PTPRN2: variants seen among roughly 807,000 people sequenced by gnomAD.
The protein encoded by PTPRN2 is receptor-type tyrosine-protein phosphatase N2.
Under a neutral mutation model 118.8 loss-of-function variants are expected in PTPRN2, and 74 were observed. That is an observed-to-expected ratio of 0.62 (90% CI 0.52 to 0.76). PTPRN2 has a LOEUF of 0.76. Ranked by LOEUF, PTPRN2 falls within the 30% of genes least tolerant of loss-of-function variation. PTPRN2 has a pLI of 0.00. For synonymous variants in PTPRN2, 641 were observed against 608.0 expected (o/e 1.05, Z -0.80); for missense variants, 1,481 against 1,394.4 (o/e 1.06, Z -0.99).
intron 6 of PTPRN2, among the ~76,000 whole-genome samples, chr7:158,152,285 C>A (rs919084034): frequency 6.6e-6 from 1 of 151,714 alleles, no homozygotes; most frequent in East Asian, 1.9e-4. Flanking sequence ...CTCTTTCATA[C>A]CGCACTGCCA....
chr7:158,439,175 G>A (rs562113719), intron 2 of PTPRN2, among the ~76,000 whole-genome samples: 14 of 152,188 alleles, frequency 9.2e-5, no homozygotes, highest in African/African-American at 1.2e-4. Context: ...ATTGATTGAC[G>A]TCTCATGTCT....
At chr7:158,559,464 A>G (rs934865050) in intron 1 of PTPRN2, among the ~76,000 whole-genome samples, 6 of 152,124 alleles carry the variant, frequency 3.9e-5, no homozygotes, top group African/African-American at 1.4e-4. Flanking sequence ...CCACTTGTTC[A>G]CCTGCCTCCC....
chr7:158,136,529 G>A, intron 8 of PTPRN2, 126 bp downstream of exon 8: 1 of 777,216 alleles, frequency 1.3e-6, no homozygotes, highest in Non-Finnish European at 2.2e-6. Context: ...TGGAGATTAT[G>A]AGGGGTTTCT....
intron 2 of PTPRN2, among the ~76,000 whole-genome samples, chr7:158,339,939 GTCGCCCGCAGACGTGACTC>G (rs1806334070): frequency 9.7e-6 from 1 of 103,296 alleles, no homozygotes; most frequent in African/African-American, 3.7e-5. Flanking sequence ...CATAAGAGCT[GTCGCCCGCAGACGTGACTC>G]ACACCCACAC....
intron 17 of PTPRN2, among the ~76,000 whole-genome samples, chr7:157,579,639 C>T (rs1237833729): frequency 1.3e-5 from 2 of 152,356 alleles, no homozygotes; most frequent in East Asian, 3.9e-4. Flanking sequence ...GGCCTGGAAG[C>T]CGCACTCATT....
chr7:158,357,129 A>G (rs1166685625), intron 2 of PTPRN2, among the ~76,000 whole-genome samples: 2 of 152,272 alleles, frequency 1.3e-5, no homozygotes, highest in Admixed American at 6.5e-5. Context: ...CCAAGATTTG[A>G]GGACGGAAGA....
chr7:157,563,982 C>T lies in PTPRN2; in HGVS notation c.2902+4920G>A, dbSNP rs147176077. ...AGGCTCTCTGCTCCATGGCCCCTCT[C>T]GCTTCCCACAGGCAACTTTCCATCT... is the stretch of plus-strand genomic sequence containing the variant. On this transcript the variant is annotated intron_variant, in intron 21 of 22. Coordinates refer to ENST00000389418, the MANE Select transcript of PTPRN2 (RefSeq NM_002847.5). 3.4e-3 allele frequency among the ~76,000 whole-genome samples: 517 copies of T among 152,372 alleles called. 13 individuals carry two copies. Among genetic ancestry groups the T allele is most frequent in the East Asian group, 0.01 (54 of 5,182 alleles).
At chr7:158,324,576 C>T (rs1175302316) in intron 2 of PTPRN2, among the ~76,000 whole-genome samples, 3 of 151,710 alleles carry the variant, frequency 2.0e-5, no homozygotes, top group South Asian at 2.1e-4. Flanking sequence ...GCCTCCACCC[C>T]ATCCCGTACT....
intron 12 of PTPRN2, among the ~76,000 whole-genome samples, chr7:157,730,795 C>A (rs568035539): frequency 6.6e-6 from 1 of 152,190 alleles, no homozygotes; most frequent in Non-Finnish European, 1.5e-5. Context: ...GGCTGCTCCC[C>A]GCCTGGGCAC....
At chr7:158,430,058 C>G (rs1439424312) in intron 2 of PTPRN2, among the ~76,000 whole-genome samples, 2 of 152,158 alleles carry the variant, frequency 1.3e-5, no homozygotes, top group African/African-American at 4.8e-5. Context: ...CAGGTGCACG[C>G]TACCACGCCC....
At chr7:157,665,260 A>T (rs1796079285) in intron 13 of PTPRN2, among the ~76,000 whole-genome samples, 1 of 152,244 alleles carries the variant, frequency 6.6e-6, no homozygotes, top group Admixed American at 6.5e-5. Flanking sequence ...ATGATCCGCG[A>T]CTATGCACCT....
chr7:158,329,058 C>G (rs965666197), intron 2 of PTPRN2, among the ~76,000 whole-genome samples: 1 of 152,194 alleles, frequency 6.6e-6, no homozygotes, highest in Non-Finnish European at 1.5e-5. Flanking sequence ...TCCCGCCACC[C>G]AGGGATCCCA....
rs1018026578 is a variant in PTPRN2, at chr7:158,203,605, G to A, written c.380+1566C>T. On this transcript the variant is annotated intron_variant, in intron 4 of 22. Coordinates refer to ENST00000389418, the MANE Select transcript of PTPRN2 (RefSeq NM_002847.5). Reference sequence around the variant, plus strand: ...GTTTGCCCTGTTCTGCACCCCCCCAGAGTGAGGAGGAGCCATCCCTTGCTT... The same window carrying A: ...GTTTGCCCTGTTCTGCACCCCCCCAAAGTGAGGAGGAGCCATCCCTTGCTT... Among the ~76,000 whole-genome samples, 3 of 150,004 alleles carry A rather than the reference G, an allele frequency of 2.0e-5. No individual in the cohort carries two copies. In the East Asian group the frequency reaches 5.9e-4, roughly 30 times the overall value.
chr7:157,670,270 G>A (rs537441688), intron 13 of PTPRN2, among the ~76,000 whole-genome samples: 2 of 152,162 alleles, frequency 1.3e-5, no homozygotes, highest in Non-Finnish European at 2.9e-5. Flanking sequence ...GCGGTCAGCT[G>A]CATCCGAGAG....
At chr7:157,600,381 G>T (rs1801602807) in intron 16 of PTPRN2, among the ~76,000 whole-genome samples, 1 of 152,222 alleles carries the variant, frequency 6.6e-6, no homozygotes, top group South Asian at 2.1e-4. Context: ...GCTTAATATG[G>T]GAATTTATTG....
In PTPRN2 at chr7:157,780,919, A is replaced by G. The variant is rs997113916; in HGVS notation, c.1789-97982T>C. The stretch of plus-strand genomic sequence containing the variant: ...CTCCTCAGTGCACACCTGAACTCTC[A>G]CCACCCCCACCGAGGCAGTGGGCAG... On this transcript the variant is annotated intron_variant, in intron 12 of 22. Coordinates refer to ENST00000389418, the MANE Select transcript of PTPRN2 (RefSeq NM_002847.5). This position sits in a 1 kb window ranked among gnomAD's most constrained non-coding sequence, Gnocchi z 4.5. Among the ~76,000 whole-genome samples, 1 of 152,030 alleles carries G rather than the reference A, an allele frequency of 6.6e-6. No individual in the cohort carries two copies. Among genetic ancestry groups the G allele is most frequent in the African/African-American group, 2.4e-5 (1 of 41,394 alleles).
intron 5 of PTPRN2, among the ~76,000 whole-genome samples, chr7:158,188,605 C>CCCGCCACGCTCGCCCCCTGATGGGGAAGG (rs1563577759): frequency 3.4e-4 from 10 of 29,598 alleles, no homozygotes; most frequent in South Asian, 1.1e-3. Flanking sequence ...GATGGGGAAG[C>CCCGCCACGCTCGCCCCCTGATGGGGAAGG]CCGCCACGCT....
Position 157,990,381 on chromosome 7 carries a change from C to G in PTPRN2, c.1723+90917G>C, listed in dbSNP as rs541857362. On this transcript the variant is annotated intron_variant, in intron 11 of 22. Coordinates refer to ENST00000389418, the MANE Select transcript of PTPRN2 (RefSeq NM_002847.5). The surrounding 1 kb of genome is among the most constrained non-coding windows in gnomAD (Gnocchi z 4.3). ...TTGGGCACGGGCCAGGAATGCATCACGGCACCTGCGCACAGGGGTGGCCTC... is the reference window on the plus strand; with the variant it reads ...TTGGGCACGGGCCAGGAATGCATCAGGGCACCTGCGCACAGGGGTGGCCTC... Among the ~76,000 whole-genome samples, 177 of 152,288 alleles carry G rather than the reference C, an allele frequency of 1.2e-3. 2 individuals carry two copies. Among genetic ancestry groups the G allele is most frequent in the African/African-American group, 4.2e-3 (173 of 41,564 alleles).
chr7:157,830,505 G>A (rs953823178), intron 12 of PTPRN2, among the ~76,000 whole-genome samples: 3 of 151,778 alleles, frequency 2.0e-5, no homozygotes, highest in Non-Finnish European at 2.9e-5. Flanking sequence ...ATCACCACGC[G>A]GGGAGGGGTT....
Sources: allele counts gnomAD v4.1 joint callset (sites outside exome capture counted in the v4.1 genomes callset), GRCh38; gene constraint gnomAD v4.1.1; non-coding constraint Gnocchi (gnomAD v3.1); transcripts MANE v1.5; gene names NCBI Gene and HGNC (gene_info 2026-07-23, HGNC 2026-07-21).